The following PDE1C variants were observed in gnomAD, a reference collection of about 807,000 sequenced individuals.
The protein encoded by PDE1C is phosphodiesterase 1C, also known as dual specificity calcium/calmodulin-dependent 3',5'-cyclic nucleotide phosphodiesterase 1C.
PDE1C carries 62 observed loss-of-function variants against 93.1 expected under a neutral mutation model. The observed-to-expected ratio is 0.67, with a 90% CI of 0.54 to 0.82. The LOEUF is 0.82. Ranked by LOEUF, PDE1C falls within the 40% of genes least tolerant of loss-of-function variation. PDE1C has a pLI of 0.00. For synonymous variants in PDE1C, 325 were observed against 310.1 expected, an observed-to-expected ratio of 1.05 and a Z score of -0.50; for missense variants, 742 against 884.6, an observed-to-expected ratio of 0.84 and a Z score of 2.04.
intron 2 of PDE1C, among the ~76,000 whole-genome samples, chr7:32,014,983 T>C (rs1787693628): frequency 2.0e-5 from 3 of 152,106 alleles, no homozygotes; most frequent in Admixed American, 1.3e-4. Context: ...ATGGGGGCAG[T>C]TTCCCCCATG....
intron 6 of PDE1C, among the ~76,000 whole-genome samples, chr7:31,866,873 C>A (rs955938867): frequency 2.0e-5 from 3 of 152,022 alleles, no homozygotes; most frequent in Admixed American, 6.6e-5. Context: ...CACCAGAAAG[C>A]CCCTAAACCC....
At chr7:32,185,861 G>A (rs1477190735) in intron 2 of PDE1C, among the ~76,000 whole-genome samples, 1 of 152,200 alleles carries the variant, frequency 6.6e-6, no homozygotes, top group East Asian at 1.9e-4. Flanking sequence ...AGTAGCTGCT[G>A]TATTGCATAG....
At chr7:32,196,352 T>C (rs919082713) in intron 2 of PDE1C, among the ~76,000 whole-genome samples, 3 of 152,154 alleles carry the variant, frequency 2.0e-5, no homozygotes, top group African/African-American at 7.2e-5. Flanking sequence ...TTCCTGGTCC[T>C]TAGGTAGAGA....
the PDE1C span, among the ~76,000 whole-genome samples, chr7:31,745,109 G>A: frequency 6.6e-6 from 1 of 152,160 alleles, no homozygotes; most frequent in African/African-American, 2.4e-5. Context: ...GCAAAACTAT[G>A]CTCTCTCTTC....
the PDE1C span, chr7:31,692,513 C>T: frequency 4.2e-5 from 67 of 1,602,738 alleles, no homozygotes; most frequent in East Asian, 6.7e-5. Flanking sequence ...ACCCTCGTTG[C>T]AGCCACTTAG....
chr7:31,978,619 C>A (rs553665851), intron 2 of PDE1C, among the ~76,000 whole-genome samples: 9 of 152,282 alleles, frequency 5.9e-5, no homozygotes, highest in African/African-American at 1.9e-4. Flanking sequence ...GAAGCAGATT[C>A]TCTTGCCAAG....
intron 1 of PDE1C, among the ~76,000 whole-genome samples, chr7:32,420,176 T>TACAC (rs1785379355): frequency 2.1e-5 from 1 of 48,290 alleles, no homozygotes; most frequent in Non-Finnish European, 4.5e-5. Context: ...TGTGTATATA[T>TACAC]ATACACATAT....
rs913242129 is a variant in PDE1C at position 31,851,087 on chromosome 7, C to T, written c.751-346G>A. Among the ~76,000 whole-genome samples, 7 of 14,348 alleles carry T rather than the reference C, an allele frequency of 4.9e-4. No individual in the cohort carries two copies. The East Asian group carries it at 0.018, about 38-fold the overall frequency. The allele number at this position is 14,348 out of a possible 152,430, so 9.4% of individuals were successfully genotyped here. ...ACACACACACACACACACACACACA[C>T]ACACACACACACATAAAAAAATTAG... is the stretch of plus-strand genomic sequence containing the variant. On this transcript the variant is annotated intron_variant, in intron 7 of 17. Coordinates refer to ENST00000396191, the MANE Select transcript of PDE1C (RefSeq NM_001191057.4).
intron 1 of PDE1C, among the ~76,000 whole-genome samples, chr7:32,261,467 T>C (rs550163803): frequency 2.0e-5 from 3 of 152,336 alleles, no homozygotes; most frequent in African/African-American, 7.2e-5. Context: ...GGAGACTGAC[T>C]TGAGTAATAA....
chr7:31,789,708 TG>T (rs1432645820), intron 16 of PDE1C: 1 of 985,406 alleles, frequency 1.0e-6, no homozygotes, highest in Non-Finnish European at 1.2e-6. Flanking sequence ...CAAATGTTCC[TG>T]ACTCAGGAAA....
the PDE1C span, among the ~76,000 whole-genome samples, chr7:31,679,979 C>T: frequency 6.6e-6 from 1 of 152,176 alleles, no homozygotes; most frequent in Non-Finnish European, 1.5e-5. Flanking sequence ...AGTTCTCTGC[C>T]GGCCTGTTCA....
chr7:32,192,247 T>C (rs1307118225), intron 2 of PDE1C, among the ~76,000 whole-genome samples: 2 of 152,202 alleles, frequency 1.3e-5, no homozygotes, highest in Non-Finnish European at 2.9e-5. Flanking sequence ...TTTACTTTTA[T>C]AGATCATATT....
At chr7:31,627,720 T>C in the PDE1C span, among the ~76,000 whole-genome samples, 2 of 149,280 alleles carry the variant, frequency 1.3e-5, no homozygotes, top group Non-Finnish European at 3.0e-5. Flanking sequence ...TGACTAAACT[T>C]GACAGAATGG....
intron 2 of PDE1C, among the ~76,000 whole-genome samples, chr7:31,991,876 C>G (rs1584358930): frequency 6.6e-6 from 1 of 152,316 alleles, no homozygotes; most frequent in Non-Finnish European, 1.5e-5. Context: ...TGGACACAGC[C>G]TGCAAAAATT....
At chr7:31,804,280 A>G (rs1786492138) in intron 16 of PDE1C, among the ~76,000 whole-genome samples, 1 of 151,888 alleles carries the variant, frequency 6.6e-6, no homozygotes, top group Non-Finnish European at 1.5e-5. Context: ...AGCAAGACAA[A>G]TATGAGTCTT....
At chr7:31,840,903 T>C (rs1255418190) in intron 9 of PDE1C, among the ~76,000 whole-genome samples, 1 of 152,074 alleles carries the variant, frequency 6.6e-6, no homozygotes, top group Non-Finnish European at 1.5e-5. Context: ...CTATATAAAG[T>C]TTATAATAAT....
chr7:31,732,711 C>G, the PDE1C span, among the ~76,000 whole-genome samples: 2 of 149,984 alleles, frequency 1.3e-5, no homozygotes, highest in Non-Finnish European at 3.0e-5. Flanking sequence ...CCCTAATACA[C>G]CAAGACACTT....
chr7:32,309,160 C>T (rs1242978106), intron 1 of PDE1C, among the ~76,000 whole-genome samples: 142 of 151,582 alleles, frequency 9.4e-4, no homozygotes, highest in Non-Finnish European at 1.5e-3. Flanking sequence ...TGATGGAAGA[C>T]GAAATGAATG....
At chr7:31,694,129 G>T in the PDE1C span, among the ~76,000 whole-genome samples, 2 of 152,282 alleles carry the variant, frequency 1.3e-5, no homozygotes, top group Admixed American at 6.5e-5. Context: ...GAAGACATAT[G>T]CAGAAATAAT....
Sources: gnomAD v4.1 joint callset for allele counts (sites outside exome capture counted in the v4.1 genomes callset) on GRCh38, gnomAD v4.1.1 for gene constraint, MANE v1.5 for transcripts, NCBI Gene and HGNC (gene_info 2026-07-23, HGNC 2026-07-21) for gene names.